Variants in TRIM36 observed in about 807,000 individuals in gnomAD.
TRIM36 encodes tripartite motif containing 36.
A neutral mutation model predicts 72.4 loss-of-function variants in TRIM36; 42 were observed. The ratio of observed to expected loss-of-function variants is 0.58; its 90% CI spans 0.45 to 0.75. The LOEUF is 0.75. TRIM36 is among the 30% of genes least tolerant of loss of function. The pLI, the probability that TRIM36 is intolerant of heterozygous loss-of-function variation, is 0.00. For missense variants in TRIM36, 913 were observed against 857.1 expected (o/e 1.07, Z -0.81); for synonymous variants, 315 against 282.8 (o/e 1.11, Z -1.14).
rs952673741 is a variant in TRIM36, at chr5:115,169,887, A to G, written c.-253T>C. 120 of 1,303,732 alleles carry G rather than the reference A, an allele frequency of 9.2e-5. 1 individual carries two copies. Among genetic ancestry groups the G allele is most frequent in the Admixed American group, 3.1e-4 (8 of 25,700 alleles). The allele number at this position is 1,303,732 out of a possible 1,614,324, so 80.8% of individuals were successfully genotyped here. ...GGAATCCCGCCCAGCTGCCGGCTGC[A>G]GCAGCGGCTCCTGCGGACTGCGGCT... On this transcript the variant is annotated 5_prime_UTR_variant, in exon 1 of 10. Transcript: ENST00000513154.
At chr5:115,178,760 TAATG>T (rs1356147752) in intron 1 of TRIM36, among the ~76,000 whole-genome samples, 1 of 152,144 alleles carries the variant, frequency 6.6e-6, no homozygotes, top group Non-Finnish European at 1.5e-5. Flanking sequence ...TTCGAAATGT[TAATG>T]AATATTCTGT....
intron 8 of TRIM36, among the ~76,000 whole-genome samples, chr5:115,131,410 A>G (rs183485602): frequency 5.9e-5 from 9 of 152,284 alleles, no homozygotes; most frequent in Middle Eastern, 3.4e-3. Flanking sequence ...TTGGGTTGAG[A>G]GAGACCTGGG....
At chr5:115,150,811 T>C (rs1229843604) in intron 2 of TRIM36, among the ~76,000 whole-genome samples, 1 of 152,150 alleles carries the variant, frequency 6.6e-6, no homozygotes, top group Non-Finnish European at 1.5e-5. Flanking sequence ...ATTTTGACCT[T>C]ACCTGGAGCT....
intron 1 of TRIM36, 120 bp from the exon 2 acceptor site, chr5:115,163,872 T>A: frequency 2.3e-6 from 2 of 882,398 alleles, no homozygotes; most frequent in Non-Finnish European, 3.4e-6. Flanking sequence ...AATGATTTTC[T>A]AAATTTTAAA....
chr5:115,126,775 C>G lies in TRIM36; in HGVS notation c.1879G>C (p.Gly627Arg), dbSNP rs1457097708. 22 of 1,614,054 alleles carry G rather than the reference C, an allele frequency of 1.4e-5. No homozygotes were observed. Among genetic ancestry groups the G allele is most frequent in the Non-Finnish European group, 1.9e-5 (22 of 1,180,014 alleles). Residue 627 changes from glycine (G) to arginine (R), a missense_variant, in exon 10 of 10, where the codon GGC becomes CGC. By Grantham distance (125) the Gly-to-Arg change is moderately radical. Coordinates refer to ENST00000513154, the MANE Select transcript of TRIM36 (RefSeq NM_001300759.2). The part of the protein sequence containing the change: ...SSQPFTLVTI[G>R]MQKFFIPKSP... ...TTGGGTATAAAAAATTTCTGCATGC[C>G]TATAGTAACTAAGGTAAATGGTTGT...
chr5:115,130,598 C>T lies in TRIM36; in HGVS notation c.1790G>A (p.Ser597Asn). 1.2e-6 allele frequency: 2 copies of T among 1,613,452 alleles called. No homozygotes were observed. Among genetic ancestry groups the T allele is most frequent in the Non-Finnish European group, 1.7e-6 (2 of 1,179,610 alleles). ...EWLRSPRDAV[S>N]PRYEQDSGHD... ...GATCAATACAAAAACCTACCTTGGA[C>T]TAACTGCATCCCGGGGAGAACGGAG... Residue 597 changes from serine (S) to asparagine (N), a missense_variant, in exon 9 of 10, where the codon AGT becomes AAT. Physicochemically the swap from Ser to Asn is conservative, Grantham distance 46. Coordinates refer to ENST00000513154, the MANE Select transcript of TRIM36 (RefSeq NM_001300759.2).
intron 2 of TRIM36, among the ~76,000 whole-genome samples, chr5:115,151,424 C>G (rs900651578): frequency 1.3e-5 from 2 of 152,012 alleles, no homozygotes; most frequent in African/African-American, 4.8e-5. Flanking sequence ...CCTGCCCCCA[C>G]CCAGGGGTCT....
At chr5:115,156,208 G>C (rs1393609346) in intron 2 of TRIM36, among the ~76,000 whole-genome samples, 1 of 151,928 alleles carries the variant, frequency 6.6e-6, no homozygotes, top group Non-Finnish European at 1.5e-5. Context: ...CGGATAGGTA[G>C]AATCAATATT....
intron 1 of TRIM36, among the ~76,000 whole-genome samples, chr5:115,168,006 G>C (rs564177747): frequency 1.3e-5 from 2 of 152,282 alleles, no homozygotes; most frequent in Admixed American, 6.5e-5. Context: ...TAAGAACAGA[G>C]AATACTGCCT....
At chr5:115,148,361 T>G (rs1580672173) in intron 2 of TRIM36, 1 of 984,766 alleles carries the variant, frequency 1.0e-6, no homozygotes, top group East Asian at 1.1e-4. Context: ...AATCCAGGGT[T>G]GTCCATTTAC....
intron 2 of TRIM36, among the ~76,000 whole-genome samples, chr5:115,162,945 A>G: frequency 6.6e-6 from 1 of 151,716 alleles, no homozygotes; most frequent in East Asian, 1.9e-4. Context: ...AATAATTCCT[A>G]AAGACAAACA....
At chr5:115,154,518 C>G (rs1209632666) in intron 2 of TRIM36, among the ~76,000 whole-genome samples, 5 of 151,912 alleles carry the variant, frequency 3.3e-5, no homozygotes, top group African/African-American at 4.8e-5. Context: ...CAACTGACAC[C>G]ACAGAAATAC....
chr5:115,138,138 C>T (rs1192145977), intron 5 of TRIM36, among the ~76,000 whole-genome samples: 3 of 152,170 alleles, frequency 2.0e-5, no homozygotes, highest in South Asian at 2.1e-4. Context: ...CTCGCTCTGT[C>T]GCACAGACTG....
At chr5:115,144,488 T>C (rs769488604) in intron 4 of TRIM36, 110 bp downstream of exon 4, 33 of 1,330,406 alleles carry the variant, frequency 2.5e-5, no homozygotes, top group Middle Eastern at 3.8e-4. Context: ...CTTTAACTCA[T>C]TTTAGTACAA....
chr5:115,164,720 T>C (rs567336819), intron 1 of TRIM36, among the ~76,000 whole-genome samples: 1 of 152,126 alleles, frequency 6.6e-6, no homozygotes, highest in South Asian at 2.1e-4. Context: ...CCCTCCCAAA[T>C]CTCATGTCCT....
chr5:115,163,460 A>T, intron 2 of TRIM36, 58 bp downstream of exon 2: 1 of 1,425,268 alleles, frequency 7.0e-7, no homozygotes, highest in Non-Finnish European at 9.9e-7. Context: ...GTTACCACTG[A>T]ATATATATCT....
intron 4 of TRIM36, among the ~76,000 whole-genome samples, chr5:115,143,246 A>C (rs964801764): frequency 1.2e-4 from 18 of 146,480 alleles, no homozygotes; most frequent in Admixed American, 6.2e-4. Context: ...AAAAAAAAAA[A>C]AAACAAATCT....
upstream of TRIM36, chr5:115,169,945 C>A: frequency 1.6e-6 from 2 of 1,230,650 alleles, no homozygotes; most frequent in Non-Finnish European, 2.0e-6. Context: ...CTGGGCGGGG[C>A]ACCGCGGGGC....
At chr5:115,145,342 T>C (rs1753527628) in intron 3 of TRIM36, among the ~76,000 whole-genome samples, 1 of 152,198 alleles carries the variant, frequency 6.6e-6, no homozygotes, top group Admixed American at 6.5e-5. Flanking sequence ...TAAACTATTA[T>C]CATAGAGGAT....
Sources: allele counts gnomAD v4.1 joint callset (sites outside exome capture counted in the v4.1 genomes callset), GRCh38; gene constraint gnomAD v4.1.1; transcripts MANE v1.5; gene names NCBI Gene and HGNC (gene_info 2026-07-23, HGNC 2026-07-21).